Variants in DLG2 observed in about 807,000 individuals in gnomAD.
DLG2 encodes the protein disks large homolog 2.
In DLG2, 45 loss-of-function variants were observed where a neutral mutation model predicts 132.5. That is an observed-to-expected ratio of 0.34 (90% CI 0.27 to 0.44). The LOEUF (loss-of-function observed/expected upper bound fraction) is 0.44, where lower values mean the gene tolerates loss of function less well. Among genes scored for constraint, DLG2 ranks in the 20% least tolerant of loss-of-function variants. The probability of loss-of-function intolerance (pLI) is 1.00; values close to 1 mark genes in which losing one functional copy is unlikely to be tolerated. For synonymous variants in DLG2, 424 were observed against 419.6 expected (o/e 1.01, Z -0.13); for missense variants, 1,045 against 1,196.9 (o/e 0.87, Z 1.87).
chr11:85,606,175 C>T (rs1565751386), intron 2 of DLG2, among the ~76,000 whole-genome samples: 1 of 152,040 alleles, frequency 6.6e-6, no homozygotes, highest in Non-Finnish European at 1.5e-5. Flanking sequence ...TGATATGTAT[C>T]CATTAAAACA....
At chr11:85,555,472 C>A (rs759652915) in intron 3 of DLG2, among the ~76,000 whole-genome samples, 5 of 151,898 alleles carry the variant, frequency 3.3e-5, no homozygotes, top group Non-Finnish European at 7.4e-5. Context: ...CTTTGGCACA[C>A]TGACCACTCC....
intron 6 of DLG2, among the ~76,000 whole-genome samples, chr11:84,687,989 T>A (rs1266708243): frequency 6.6e-6 from 1 of 152,168 alleles, no homozygotes; most frequent in Admixed American, 6.5e-5. Context: ...TTTGTCCCTG[T>A]CAGGTGCAAC....
At chr11:83,532,347 C>A (rs754737189) in intron 21 of DLG2, among the ~76,000 whole-genome samples, 1 of 152,028 alleles carries the variant, frequency 6.6e-6, no homozygotes, top group African/African-American at 2.4e-5. Flanking sequence ...GATATATTTT[C>A]TGATGAGCAG....
At position 84,251,184 on chromosome 11, in the gene DLG2, CA is replaced by C. The variant is rs1268728914; in HGVS notation, c.573+53del. On this transcript the variant is annotated intron_variant, in intron 8 of 27. Coordinates refer to ENST00000376104, the MANE Select transcript of DLG2 (RefSeq NM_001142699.3). ...AATGTGAATTGAATTTAAATTCAGC[CA>C]ATTAAGTTCTACCACAGTTTTAAAA... 6.4e-6 allele frequency: 7 copies of C among 1,090,492 alleles called. No individual in the cohort carries two copies. In the African/African-American group the frequency reaches 1.1e-4, roughly 18 times the overall value. The allele number at this position is 1,090,492 out of a possible 1,614,324, so 67.6% of individuals were successfully genotyped here.
chr11:85,404,385 T>C (rs2088508560), intron 3 of DLG2, among the ~76,000 whole-genome samples: 1 of 151,986 alleles, frequency 6.6e-6, no homozygotes, highest in African/African-American at 2.4e-5. Context: ...GGAACAAGAA[T>C]TAATTTATTC....
At chr11:84,534,199 G>A (rs1385414863) in intron 7 of DLG2, among the ~76,000 whole-genome samples, 1 of 152,160 alleles carries the variant, frequency 6.6e-6, no homozygotes, top group African/African-American at 2.4e-5. Context: ...ATGTGATCAT[G>A]TTATATTTGT....
chr11:83,989,694 G>A (rs1413310269), intron 11 of DLG2, among the ~76,000 whole-genome samples: 1 of 152,100 alleles, frequency 6.6e-6, no homozygotes, highest in Non-Finnish European at 1.5e-5. Context: ...TGTCACACAG[G>A]GCTAATAAAG....
chr11:84,271,808 T>C (rs544987454), intron 7 of DLG2, among the ~76,000 whole-genome samples: 1 of 152,080 alleles, frequency 6.6e-6, no homozygotes, highest in Admixed American at 6.6e-5. Context: ...GAGGAAACAC[T>C]TAAGAATAAA....
At chr11:83,463,098 G>C (rs117771915) in intron 26 of DLG2, among the ~76,000 whole-genome samples, 1 of 152,102 alleles carries the variant, frequency 6.6e-6, no homozygotes, top group Non-Finnish European at 1.5e-5. Context: ...AATTCCTTTC[G>C]AGAGCAAGTA....
chr11:84,125,193 C>G (rs1260346612), intron 9 of DLG2, among the ~76,000 whole-genome samples: 1 of 152,072 alleles, frequency 6.6e-6, no homozygotes, highest in Non-Finnish European at 1.5e-5. Context: ...TACTGCCAGA[C>G]AAGGCTCACG....
At chr11:84,296,077 G>C (rs2098084796) in intron 7 of DLG2, among the ~76,000 whole-genome samples, 2 of 152,172 alleles carry the variant, frequency 1.3e-5, no homozygotes, top group Non-Finnish European at 2.9e-5. Flanking sequence ...GGTCTGGAAG[G>C]TGCAGAGGGA....
chr11:83,650,286 A>G (rs888301744), intron 18 of DLG2, among the ~76,000 whole-genome samples: 5 of 152,178 alleles, frequency 3.3e-5, no homozygotes, highest in African/African-American at 9.7e-5. Flanking sequence ...AATGTGTCCT[A>G]AATATAATCA....
chr11:84,126,139 C>T (rs2154210674), intron 9 of DLG2, among the ~76,000 whole-genome samples: 1 of 152,104 alleles, frequency 6.6e-6, no homozygotes, highest in Admixed American at 6.5e-5. Flanking sequence ...GGCACAGTAA[C>T]CATTGCAGGG....
At chr11:85,179,542 T>C (rs2079550420) in intron 4 of DLG2, among the ~76,000 whole-genome samples, 1 of 151,712 alleles carries the variant, frequency 6.6e-6, no homozygotes, top group Non-Finnish European at 1.5e-5. Flanking sequence ...TAGATTATTA[T>C]GTATGCCAAA....
intron 7 of DLG2, among the ~76,000 whole-genome samples, chr11:84,413,707 A>T (rs928197795): frequency 6.6e-6 from 1 of 152,220 alleles, no homozygotes; most frequent in African/African-American, 2.4e-5. Flanking sequence ...ACCTGCTGAC[A>T]TCAGCTATCA....
chr11:85,228,003 C>T (rs1221278141), intron 4 of DLG2, among the ~76,000 whole-genome samples: 1 of 152,094 alleles, frequency 6.6e-6, no homozygotes, highest in Non-Finnish European at 1.5e-5. Flanking sequence ...TAAATTACAT[C>T]TTGGATATGC....
intron 14 of DLG2, among the ~76,000 whole-genome samples, chr11:83,931,368 A>C (rs2080180475): frequency 6.6e-6 from 1 of 152,242 alleles, no homozygotes; most frequent in Admixed American, 6.5e-5. Context: ...ATCATAAAAC[A>C]TTCTCATGAT....
chr11:85,414,887 T>G (rs1182494068), intron 3 of DLG2, among the ~76,000 whole-genome samples: 1 of 152,114 alleles, frequency 6.6e-6, no homozygotes, highest in Non-Finnish European at 1.5e-5. Flanking sequence ...ATACTTTAAG[T>G]TCTGGGAGAC....
At chr11:85,003,051 T>C (rs1351676790) in intron 6 of DLG2, among the ~76,000 whole-genome samples, 5 of 152,104 alleles carry the variant, frequency 3.3e-5, no homozygotes, top group Non-Finnish European at 7.4e-5. Context: ...AACAGGCTGC[T>C]TAAGTTTTTA....
Sources: gnomAD v4.1 joint callset for allele counts (sites outside exome capture counted in the v4.1 genomes callset) on GRCh38, gnomAD v4.1.1 for gene constraint, MANE v1.5 for transcripts, NCBI Gene and HGNC (gene_info 2026-07-23, HGNC 2026-07-21) for gene names.